Variants in SRC observed in about 807,000 individuals in gnomAD.
SRC encodes proto-oncogene tyrosine-protein kinase Src.
In SRC, 13 loss-of-function variants were observed where a neutral mutation model predicts 62.9. That is an observed-to-expected ratio of 0.21 (90% CI 0.13 to 0.33). SRC has a LOEUF of 0.33. Ranked by LOEUF, SRC falls within the 10% of genes least tolerant of loss-of-function variation. SRC has a pLI of 1.00. For synonymous variants in SRC, 302 were observed against 317.5 expected (o/e 0.95, Z 0.52); for missense variants, 457 against 737.3 (o/e 0.62, Z 4.40).
At chr20:37,385,082 A>G (rs1467384064) in intron 4 of SRC, among the ~76,000 whole-genome samples, 3 of 152,342 alleles carry the variant, frequency 2.0e-5, no homozygotes, top group East Asian at 3.9e-4. Flanking sequence ...TCCCCAACGC[A>G]GATGTACCCA....
intron 2 of SRC, among the ~76,000 whole-genome samples, chr20:37,380,898 G>A (rs1016737492): frequency 4.0e-5 from 6 of 151,654 alleles, no homozygotes; most frequent in Non-Finnish European, 8.8e-5. Context: ...TTCTCAAAGA[G>A]TCCACTCTGA....
rs191436878 is a variant in SRC, at chr20:37,351,883, T to G, written c.-247+5628T>G. On this transcript the variant is annotated intron_variant, in intron 1 of 13. Coordinates refer to ENST00000373578, the MANE Select transcript of SRC (RefSeq NM_198291.3). This position sits in a 1 kb window ranked among gnomAD's most constrained non-coding sequence, Gnocchi z 4.4. The stretch of plus-strand genomic sequence containing the variant: ...TAATTTGTGGGGATCTGATTCTTAT[T>G]AAGTGTGTACCCAACGTGGCTAAAA... Among the ~76,000 whole-genome samples, 6 of 152,296 alleles carry G rather than the reference T, an allele frequency of 3.9e-5. No individual in the cohort carries two copies. Among genetic ancestry groups the G allele is most frequent in the Non-Finnish European group, 8.8e-5 (6 of 68,036 alleles).
At chr20:37,380,706 G>A (rs1453660175) in intron 2 of SRC, among the ~76,000 whole-genome samples, 1 of 152,178 alleles carries the variant, frequency 6.6e-6, no homozygotes, top group Non-Finnish European at 1.5e-5. Flanking sequence ...ATCCTGCCTG[G>A]CCCTGACAGC....
intron 2 of SRC, among the ~76,000 whole-genome samples, 154 bp downstream of exon 2, chr20:37,365,431 A>G (rs1040537599): frequency 6.6e-6 from 1 of 152,138 alleles, no homozygotes; most frequent in African/African-American, 2.4e-5. Context: ...AACCACTTGA[A>G]AAAATTTCTG....
At chr20:37,375,633 C>T (rs1221977867) in intron 2 of SRC, among the ~76,000 whole-genome samples, 1 of 152,088 alleles carries the variant, frequency 6.6e-6, no homozygotes, top group Non-Finnish European at 1.5e-5. Context: ...CCTCAGCCTC[C>T]CAAAGTGCTG....
At chr20:37,386,604 G>GC in intron 5 of SRC, 1 of 669,900 alleles carries the variant, frequency 1.5e-6, no homozygotes, top group Non-Finnish European at 2.7e-6. Flanking sequence ...TCACCTCCCA[G>GC]CTTCTCCCCT....
chr20:37,378,893 C>T (rs73903498), intron 2 of SRC, among the ~76,000 whole-genome samples: 28,172 of 151,558 alleles, frequency 0.19, 2,915 homozygotes, highest in African/African-American at 0.27. Flanking sequence ...GGAACTACCC[C>T]GGGGCTCCCC....
At chr20:37,374,371 C>G (rs569726641) in intron 2 of SRC, among the ~76,000 whole-genome samples, 1 of 152,078 alleles carries the variant, frequency 6.6e-6, no homozygotes, top group South Asian at 2.1e-4. Flanking sequence ...AGCCACTGCC[C>G]CTGGCTGATA....
intron 2 of SRC, among the ~76,000 whole-genome samples, chr20:37,368,362 G>A (rs2070098168): frequency 6.6e-6 from 1 of 151,924 alleles, no homozygotes; most frequent in East Asian, 1.9e-4. Flanking sequence ...AGGTTGCAGT[G>A]AGCTGAGATC....
rs2070753261 is a variant in SRC, at chr20:37,402,472, A to G, written c.1154A>G (p.Tyr385Cys). ...SGMAYVERMN[Y>C]VHRDLRAANI... Reference sequence around the variant, plus strand: ...ATGGCGTACGTGGAGCGGATGAACTACGTCCACCGGGACCTTCGTGCAGCC... The same window carrying G: ...ATGGCGTACGTGGAGCGGATGAACTGCGTCCACCGGGACCTTCGTGCAGCC... Residue 385 changes from tyrosine to cysteine, a missense_variant, in exon 12 of 14, where the codon TAC becomes TGC. Physicochemically the swap from Tyr to Cys is radical, Grantham distance 194 (BLOSUM62 -2). This residue lies in a region of SRC where 168 missense variants were observed against 357.8 expected (regional missense o/e 0.47). Transcript: ENST00000373578. This position sits in a 1 kb window ranked among gnomAD's most constrained non-coding sequence, Gnocchi z 6.2. The G allele has an allele frequency of 3.1e-6, 5 of 1,613,700 alleles. No individual in the cohort carries two copies. Among genetic ancestry groups the G allele is most frequent in the African/African-American group, 1.3e-5 (1 of 74,854 alleles).
In SRC at chr20:37,397,155, T is replaced by G. The variant is rs114180451; in HGVS notation, c.704-544T>G. Among the ~76,000 whole-genome samples the G allele has an allele frequency of 8.2e-3, 1,244 of 152,270 alleles. 15 individuals carry two copies. The highest frequency in any genetic ancestry group is 0.029 in the African/African-American group (1,185 of 41,556). On this transcript the variant is annotated intron_variant, in intron 8 of 13. Coordinates refer to ENST00000373578, the MANE Select transcript of SRC (RefSeq NM_198291.3). This position sits in a 1 kb window ranked among gnomAD's most constrained non-coding sequence, Gnocchi z 4.1. Reference sequence around the variant, plus strand: ...GTGCCACCCTTCCCCACCTGCTCCCTGCGCCCCTTTGTCCTCCGCTTCTCC... The same window carrying G: ...GTGCCACCCTTCCCCACCTGCTCCCGGCGCCCCTTTGTCCTCCGCTTCTCC...
intron 11 of SRC, 90 bp downstream of exon 11, chr20:37,401,768 C>T: frequency 1.1e-6 from 1 of 910,386 alleles, no homozygotes; most frequent in South Asian, 1.7e-5. Flanking sequence ...TTGAGTGCCC[C>T]CTCCAAGAAG....
chr20:37,384,622 A>G lies in SRC; in HGVS notation c.250+219A>G, dbSNP rs76222572. 1 allele frequency among the ~76,000 whole-genome samples: 151,712 copies of G among 151,742 alleles called. 75,841 individuals are homozygous for G. The highest frequency in any genetic ancestry group is 1 in the Middle Eastern group (288 of 288). ...GGCTTTGGGGTGGAGCAAGCGCAAA[A>G]GACACGGGGTGTGGTTAATGGGTTC... On this transcript the variant is annotated intron_variant, in intron 4 of 13. Transcript: ENST00000373578. The surrounding 1 kb of genome is among the most constrained non-coding windows in gnomAD (Gnocchi z 6.7).
Position 37,394,002 on chromosome 20 carries a change from C to CGTCTCT in SRC, c.449+11_449+16dup. 1 of 1,612,450 alleles carries CGTCTCT rather than the reference C, an allele frequency of 6.2e-7. No individual in the cohort carries two copies. The highest frequency in any genetic ancestry group is 8.5e-7 in the Non-Finnish European group (1 of 1,178,784). On this transcript the variant is annotated intron_variant, in intron 6 of 13. Transcript: ENST00000373578. Reference sequence around the variant, plus strand: ...TCCATCCAGGCTGAGGAGTGAGTACCGTCTCTGGCTGCCTCTACCCGTCGT... The same window carrying CGTCTCT: ...TCCATCCAGGCTGAGGAGTGAGTACCGTCTCTGTCTCTGGCTGCCTCTACCCGTCGT...
At chr20:37,374,678 G>A (rs753128337) in intron 2 of SRC, among the ~76,000 whole-genome samples, 2 of 148,760 alleles carry the variant, frequency 1.3e-5, no homozygotes, top group South Asian at 2.1e-4. Context: ...AGGTTTAAGC[G>A]ACTCTCATGT....
intron 1 of SRC, among the ~76,000 whole-genome samples, chr20:37,362,737 G>T (rs886876491): frequency 6.6e-6 from 1 of 151,960 alleles, no homozygotes; most frequent in African/African-American, 2.4e-5. Flanking sequence ...GGGGTGGGGT[G>T]GGGGGGTCTG....
rs1255272149 is a variant in SRC at position 37,397,657 on chromosome 20, G to T, written c.704-42G>T. 9 of 1,521,164 alleles carry T rather than the reference G, an allele frequency of 5.9e-6. No homozygotes were observed. The highest frequency in any genetic ancestry group is 7.9e-6 in the Non-Finnish European group (9 of 1,132,154). The allele number at this position is 1,521,164 out of a possible 1,614,324, so 94.2% of individuals were successfully genotyped here. A position where few individuals can be genotyped will look rare whatever the true frequency, so the allele number is the denominator to read the frequency against. ...ACACTGAGGGGCAGGGAGGCCCCAGGGCAGAAGACCCGCCTAACTGCTCCT... is the reference window on the plus strand; with the variant it reads ...ACACTGAGGGGCAGGGAGGCCCCAGTGCAGAAGACCCGCCTAACTGCTCCT... On this transcript the variant is annotated intron_variant, in intron 8 of 13. Coordinates refer to ENST00000373578, the MANE Select transcript of SRC (RefSeq NM_198291.3). This position sits in a 1 kb window ranked among gnomAD's most constrained non-coding sequence, Gnocchi z 4.1.
chr20:37,373,472 CAT>C (rs1326112246), intron 2 of SRC, among the ~76,000 whole-genome samples: 4 of 144,452 alleles, frequency 2.8e-5, no homozygotes, highest in African/African-American at 1.1e-4. Flanking sequence ...TACACACACA[CAT>C]ACATATATAT....
chr20:37,400,161 T>C lies in SRC; in HGVS notation c.906T>C (p.Pro302=). The change falls in exon 10 of 14, where the codon CCT becomes CCC. Residue 302 remains proline, a synonymous_variant. Coordinates refer to ENST00000373578, the MANE Select transcript of SRC (RefSeq NM_198291.3). ...GGGTGGCCATCAAAACCCTGAAGCC[T>C]GGCACGATGTCTCCAGAGGCCTTCC... ...TTRVAIKTLK[P]GTMSPEAFLQ... The C allele has an allele frequency of 1.2e-6, 2 of 1,613,422 alleles. No homozygotes were observed. The highest frequency in any genetic ancestry group is 1.7e-6 in the Non-Finnish European group (2 of 1,179,742).
Sources: allele counts gnomAD v4.1 joint callset (sites outside exome capture counted in the v4.1 genomes callset), GRCh38; gene constraint gnomAD v4.1.1; regional missense constraint gnomAD v4.1.1; non-coding constraint Gnocchi (gnomAD v3.1); transcripts MANE v1.5; gene names NCBI Gene and HGNC (gene_info 2026-07-23, HGNC 2026-07-21).